Variants in ZNF638 observed in about 807,000 individuals in gnomAD.
ZNF638 encodes CTCL tumor antigen se33-1.
A neutral mutation model predicts 195.6 loss-of-function variants in ZNF638; 46 were observed. That is an observed-to-expected ratio of 0.24 (90% CI 0.19 to 0.30). ZNF638 has a LOEUF of 0.30. Among genes scored for constraint, ZNF638 ranks in the 10% least tolerant of loss-of-function variants. The pLI is 1.00. For synonymous variants in ZNF638, 845 were observed against 772.0 expected (o/e 1.09, Z -1.57); for missense variants, 2,440 against 2,325.3 (o/e 1.05, Z -1.01).
chr2:71,396,040 C>T (rs2079886603), intron 10 of ZNF638, 101 bp from the exon 11 acceptor site: 2 of 1,073,372 alleles, frequency 1.9e-6, no homozygotes, highest in East Asian at 4.9e-5. Flanking sequence ...AGGGCTGTTT[C>T]TTGCAGGGTT....
intron 20 of ZNF638, among the ~76,000 whole-genome samples, chr2:71,409,028 A>G (rs1470745770): frequency 6.6e-6 from 1 of 152,160 alleles, no homozygotes; most frequent in Non-Finnish European, 1.5e-5. Context: ...GTTGTCATTT[A>G]TATTTTTCAA....
Position 71,366,177 on chromosome 2 carries a change from C to T in ZNF638, c.1995+471C>T, listed in dbSNP as rs570214888. Among the ~76,000 whole-genome samples the T allele has an allele frequency of 3.0e-3, 457 of 152,142 alleles. 2 individuals carry two copies. Among genetic ancestry groups the T allele is most frequent in the African/African-American group, 0.011 (440 of 41,488 alleles). ...CCAGCCAGAGCTACGTGGTGGAACT[C>T]CCTCTCTACAAAAAATATAAAAATG... On this transcript the variant is annotated intron_variant, in intron 6 of 27. Transcript: ENST00000264447.
chr2:71,408,816 T>A, intron 20 of ZNF638: 1 of 364,602 alleles, frequency 2.7e-6, no homozygotes, highest in Non-Finnish European at 5.4e-6. Flanking sequence ...GTCCTTGTGT[T>A]GTCAATCTGT....
chr2:71,381,451 C>T (rs1002118263), intron 10 of ZNF638, among the ~76,000 whole-genome samples: 1 of 151,984 alleles, frequency 6.6e-6, no homozygotes, highest in Non-Finnish European at 1.5e-5. Flanking sequence ...GAAGGCAGTA[C>T]ATTTTGATTA....
intron 17 of ZNF638, among the ~76,000 whole-genome samples, chr2:71,405,116 C>G (rs1424432712): frequency 2.0e-5 from 3 of 152,214 alleles, no homozygotes; most frequent in African/African-American, 7.2e-5. Flanking sequence ...CACACAAAGC[C>G]TTCCATTAGT....
intron 1 of ZNF638, among the ~76,000 whole-genome samples, chr2:71,345,746 T>G (rs991082791): frequency 9.9e-5 from 15 of 152,098 alleles, no homozygotes; most frequent in Non-Finnish European, 1.9e-4. Context: ...CTCAGAGCAG[T>G]CGGCCTGCCT....
chr2:71,424,136 C>A (rs1283073653), intron 22 of ZNF638, 98 bp downstream of exon 22: 11 of 1,449,120 alleles, frequency 7.6e-6, no homozygotes, highest in Non-Finnish European at 1.0e-5. Context: ...TTCATACTTT[C>A]ATCTCCTCAC....
intron 6 of ZNF638, among the ~76,000 whole-genome samples, chr2:71,367,230 T>C (rs945319166): frequency 1.3e-5 from 2 of 151,586 alleles, no homozygotes; most frequent in Non-Finnish European, 2.9e-5. Context: ...GTGGTGGCAG[T>C]GGAACTTTTT....
At chr2:71,420,013 G>T in intron 21 of ZNF638, among the ~76,000 whole-genome samples, 1 of 95,466 alleles carries the variant, frequency 1.0e-5, no homozygotes, top group African/African-American at 4.4e-5. Flanking sequence ...TAACATTAGA[G>T]AAAAAGATGT....
intron 10 of ZNF638, among the ~76,000 whole-genome samples, chr2:71,395,027 A>C (rs549252420): frequency 6.6e-6 from 1 of 152,302 alleles, no homozygotes; most frequent in Admixed American, 6.5e-5. Context: ...AGGTGAAACA[A>C]CACCTCGGGG....
At chr2:71,432,694 G>A (rs764971122) in intron 26 of ZNF638, among the ~76,000 whole-genome samples, 4 of 151,604 alleles carry the variant, frequency 2.6e-5, no homozygotes, top group African/African-American at 4.9e-5. Context: ...AAAGACTTAC[G>A]TTTTCTGATT....
intron 12 of ZNF638, among the ~76,000 whole-genome samples, chr2:71,399,124 T>C (rs1414313975): frequency 6.6e-6 from 1 of 152,186 alleles, no homozygotes; most frequent in Non-Finnish European, 1.5e-5. Flanking sequence ...TCTTAGATGC[T>C]TGTTACTTTT....
chr2:71,389,768 C>CTA (rs1327200534), intron 10 of ZNF638, among the ~76,000 whole-genome samples: 1 of 152,174 alleles, frequency 6.6e-6, no homozygotes, highest in Non-Finnish European at 1.5e-5. Flanking sequence ...ATTTATCAAT[C>CTA]GGTTAACCCA....
At chr2:71,353,934 T>C (rs868387112) in intron 2 of ZNF638, among the ~76,000 whole-genome samples, 2 of 152,242 alleles carry the variant, frequency 1.3e-5, no homozygotes, top group African/African-American at 4.8e-5. Flanking sequence ...GCTTTCTATT[T>C]GTATTATTAA....
chr2:71,388,273 A>G (rs1365696023), intron 10 of ZNF638: 1 of 374,380 alleles, frequency 2.7e-6, no homozygotes, highest in East Asian at 6.8e-5. Context: ...AAAGGAATTT[A>G]TCTAGATAAG....
At chr2:71,355,870 C>CCTG in intron 3 of ZNF638, 90 bp downstream of exon 3, 1 of 612,056 alleles carries the variant, frequency 1.6e-6, no homozygotes, top group South Asian at 3.7e-5. Context: ...TAGTATAATA[C>CCTG]TTTGGAGAAA....
intron 5 of ZNF638, among the ~76,000 whole-genome samples, chr2:71,364,910 T>C (rs2079169036): frequency 6.6e-6 from 1 of 152,252 alleles, no homozygotes; most frequent in South Asian, 2.1e-4. Flanking sequence ...GGCTGGATTT[T>C]CTTTATCCAG....
chr2:71,417,108 G>A (rs1424378366), intron 20 of ZNF638, among the ~76,000 whole-genome samples: 3 of 140,898 alleles, frequency 2.1e-5, no homozygotes, highest in Non-Finnish European at 4.6e-5. Context: ...ATCTCAGAGT[G>A]CTGTGCTAGC....
intron 20 of ZNF638, among the ~76,000 whole-genome samples, chr2:71,414,193 G>A (rs1273242569): frequency 1.1e-5 from 1 of 87,386 alleles, no homozygotes; most frequent in African/African-American, 4.5e-5. Context: ...CTTCTTCCTG[G>A]TTTAGTCTTG....
Sources: gnomAD v4.1 joint callset for allele counts (sites outside exome capture counted in the v4.1 genomes callset) on GRCh38, gnomAD v4.1.1 for gene constraint, MANE v1.5 for transcripts, NCBI Gene and HGNC (gene_info 2026-07-23, HGNC 2026-07-21) for gene names.